Variants in FGD6 observed in about 807,000 individuals in gnomAD.
The protein encoded by FGD6 is FYVE, RhoGEF and PH domain containing 6, also known as FYVE, RhoGEF and PH domain-containing protein 6.
A neutral mutation model predicts 149.4 loss-of-function variants in FGD6; 90 were observed. That is an observed-to-expected ratio of 0.60 (90% CI 0.51 to 0.72). The LOEUF is 0.72. FGD6 is among the 30% of genes least tolerant of loss of function. The probability of loss-of-function intolerance (pLI) is 0.00; values close to 1 mark genes in which losing one functional copy is unlikely to be tolerated. For missense variants in FGD6, 1,437 were observed against 1,684.8 expected, an observed-to-expected ratio of 0.85 and a Z score of 2.57; for synonymous variants, 527 against 584.0, an observed-to-expected ratio of 0.90 and a Z score of 1.41.
intron 2 of FGD6, among the ~76,000 whole-genome samples, chr12:95,206,699 A>G (rs2056694454): frequency 9.8e-6 from 1 of 101,760 alleles, no homozygotes; most frequent in Admixed American, 1.1e-4. Context: ...GTCTCCAAAG[A>G]AAAAAAAAAA....
At chr12:95,204,706 A>ACG (rs1437805505) in intron 2 of FGD6, among the ~76,000 whole-genome samples, 2 of 134,086 alleles carry the variant, frequency 1.5e-5, no homozygotes, top group South Asian at 2.5e-4. Context: ...ACGTGCATGC[A>ACG]CGCGCACACA....
intron 8 of FGD6, among the ~76,000 whole-genome samples, chr12:95,124,722 A>C (rs1051389381): frequency 2.0e-5 from 3 of 152,210 alleles, no homozygotes; most frequent in Non-Finnish European, 4.4e-5. Flanking sequence ...GCACACAAAC[A>C]AACCCACCCT....
At chr12:95,197,878 C>T (rs765743117) in intron 2 of FGD6, among the ~76,000 whole-genome samples, 3 of 152,274 alleles carry the variant, frequency 2.0e-5, no homozygotes, top group Admixed American at 1.3e-4. Flanking sequence ...CACCACCTAC[C>T]GGACTAAATG....
intron 2 of FGD6, among the ~76,000 whole-genome samples, chr12:95,174,624 C>T (rs1452102479): frequency 6.6e-6 from 1 of 152,124 alleles, no homozygotes; most frequent in Non-Finnish European, 1.5e-5. Context: ...GCTGTGGCAC[C>T]TATGAAGAAA....
chr12:95,120,090 G>A (rs1291575689), intron 8 of FGD6, among the ~76,000 whole-genome samples: 2 of 151,872 alleles, frequency 1.3e-5, no homozygotes, highest in African/African-American at 4.8e-5. Context: ...TTAGCCGGGT[G>A]TGGTGGAATG....
intron 8 of FGD6, among the ~76,000 whole-genome samples, chr12:95,123,250 G>T (rs1334811220): frequency 6.6e-6 from 1 of 152,036 alleles, no homozygotes; most frequent in East Asian, 1.9e-4. Context: ...ACAAAAATTA[G>T]CTGGGTATGA....
chr12:95,177,499 T>C (rs1302144891), intron 2 of FGD6, among the ~76,000 whole-genome samples: 1 of 152,224 alleles, frequency 6.6e-6, no homozygotes, highest in Non-Finnish European at 1.5e-5. Flanking sequence ...TATTTCCAAG[T>C]CACCACATGT....
chr12:95,107,575 T>G lies in FGD6; in HGVS notation c.3321A>C (p.Arg1107=). ...CAAGTCCTCTTACCAGGAAAAACAT[T>G]CGAGGTTGCATCACTTTCCGAGACA... ...MKLSRKVMQP[R]MFFLFNDALL... Residue 1107 remains arginine (R), a synonymous_variant, in exon 12 of 21, where the codon CGA becomes CGC. Transcript: ENST00000343958. 2.5e-6 allele frequency: 4 copies of G among 1,614,084 alleles called. No individual in the cohort carries two copies. Among genetic ancestry groups the G allele is most frequent in the Non-Finnish European group, 3.4e-6 (4 of 1,180,030 alleles).
intron 14 of FGD6, among the ~76,000 whole-genome samples, chr12:95,101,283 G>T (rs2136238158): frequency 6.6e-6 from 1 of 152,210 alleles, no homozygotes; most frequent in South Asian, 2.1e-4. Context: ...GGAGGTGGAG[G>T]TTGCAGTGAG....
intron 2 of FGD6, among the ~76,000 whole-genome samples, chr12:95,197,919 C>G (rs1274340796): frequency 6.6e-6 from 1 of 152,192 alleles, no homozygotes; most frequent in Non-Finnish European, 1.5e-5. Flanking sequence ...CAGTTTCCAA[C>G]CTTTGAAACA....
intron 3 of FGD6, among the ~76,000 whole-genome samples, chr12:95,156,036 G>A (rs10859841): frequency 0.077 from 11,631 of 152,018 alleles, 611 homozygotes; most frequent in East Asian, 0.25. Flanking sequence ...TCTTAATCCC[G>A]TCACCTTCGT....
At chr12:95,153,148 T>C (rs1218806680) in intron 3 of FGD6, among the ~76,000 whole-genome samples, 155 bp from the exon 4 acceptor site, 1 of 152,162 alleles carries the variant, frequency 6.6e-6, no homozygotes, top group Non-Finnish European at 1.5e-5. Flanking sequence ...ACGTGGAGAA[T>C]TGGATGAGGG....
At chr12:95,190,892 T>TA (rs1023779915) in intron 2 of FGD6, among the ~76,000 whole-genome samples, 5 of 151,968 alleles carry the variant, frequency 3.3e-5, no homozygotes, top group East Asian at 1.9e-4. Context: ...CTCTATATTT[T>TA]AAAAAAAAGT....
intron 1 of FGD6, 144 bp downstream of exon 1, chr12:95,217,081 C>T: frequency 1.6e-6 from 2 of 1,280,288 alleles, no homozygotes; most frequent in African/African-American, 1.5e-5. Flanking sequence ...CAGCGAATCC[C>T]ATTAGCTCCG....
rs1881024686 is a variant in FGD6 at position 95,172,586 on chromosome 12, G to A, written c.2586+14C>T. The stretch of plus-strand genomic sequence containing the variant: ...TAGGGAGAGGTCAAGAAGCAATTAA[G>A]TACCAAAGTATACCTGTTTATCTTC... On this transcript the variant is annotated intron_variant, in intron 3 of 20. Coordinates refer to ENST00000343958, the MANE Select transcript of FGD6 (RefSeq NM_018351.4). 6.3e-7 allele frequency: 1 copy of A among 1,576,892 alleles called. No homozygotes were observed. The highest frequency in any genetic ancestry group is 1.7e-5 in the Admixed American group (1 of 58,152).
At position 95,196,119 on chromosome 12, in the gene FGD6, T is replaced by TACAAA. The variant is rs547400276; in HGVS notation, c.2441+12719_2441+12723dup. ...CTGGGTGACAGAGCTAGACTCTGTCTACAAAACAAAACAAAACAAAACAAA... is the reference window on the plus strand; with the variant it reads ...CTGGGTGACAGAGCTAGACTCTGTCTACAAAACAAAACAAAACAAAACAAAACAAA... On this transcript the variant is annotated intron_variant, in intron 2 of 20. Coordinates refer to ENST00000343958, the MANE Select transcript of FGD6 (RefSeq NM_018351.4). Among the ~76,000 whole-genome samples, 324 of 152,202 alleles carry TACAAA rather than the reference T, an allele frequency of 2.1e-3. 2 individuals carry two copies. The South Asian group carries it at 0.026, about 12-fold the overall frequency.
chr12:95,093,235 C>G (rs1343689724), intron 15 of FGD6, among the ~76,000 whole-genome samples: 1 of 151,346 alleles, frequency 6.6e-6, no homozygotes, highest in Non-Finnish European at 1.5e-5. Context: ...AACAAACAAA[C>G]AAAAAAGATG....
Position 95,077,292 on chromosome 12 carries a change from G to T in FGD6, c.*4228C>A. ...GAGTAAGTTGTCCTTAGGGATAGAA[G>T]GTGCTAAGCATCATGCAAAAGATAT... On this transcript the variant is annotated 3_prime_UTR_variant, in exon 21 of 21. Coordinates refer to ENST00000343958, the MANE Select transcript of FGD6 (RefSeq NM_018351.4). 1 of 152,340 alleles carries T rather than the reference G, an allele frequency of 6.6e-6. No individual in the cohort carries two copies. 9.4% of individuals were successfully genotyped at this position (152,340 alleles called of 1,614,324 possible).
At chr12:95,108,445 T>A in intron 10 of FGD6, 26 bp from the exon 11 acceptor site, 1 of 1,613,966 alleles carries the variant, frequency 6.2e-7, no homozygotes, top group Non-Finnish European at 8.5e-7. Flanking sequence ...GGAAAGCATA[T>A]GAAGGCCTGG....
Sources: allele counts gnomAD v4.1 joint callset (sites outside exome capture counted in the v4.1 genomes callset), GRCh38; gene constraint gnomAD v4.1.1; transcripts MANE v1.5; gene names NCBI Gene and HGNC (gene_info 2026-07-23, HGNC 2026-07-21).